The following RAB5B variants were observed in gnomAD, a reference collection of about 807,000 sequenced individuals.
The protein encoded by RAB5B is RAB5B, member RAS oncogene family.
In RAB5B, 11 loss-of-function variants were observed where a neutral mutation model predicts 28.6. That is an observed-to-expected ratio of 0.38 (90% CI 0.24 to 0.64). The LOEUF (loss-of-function observed/expected upper bound fraction) is 0.64. RAB5B is among the 30% of genes least tolerant of loss of function. The pLI is 0.53. For synonymous variants in RAB5B, 93 were observed against 97.9 expected, an observed-to-expected ratio of 0.95 and a Z score of 0.29; for missense variants, 169 against 265.6, an observed-to-expected ratio of 0.64 and a Z score of 2.53.
chr12:55,978,506 G>GAA (rs747815542), intron 1 of RAB5B, among the ~76,000 whole-genome samples: 1 of 141,442 alleles, frequency 7.1e-6, no homozygotes. Flanking sequence ...TCCGTCTCAG[G>GAA]AAAAAAAAAA....
chr12:55,989,715 AC>A (rs1483456100), intron 2 of RAB5B, among the ~76,000 whole-genome samples: 1 of 152,004 alleles, frequency 6.6e-6, no homozygotes. Flanking sequence ...TTTATGATGT[AC>A]CCCCATTCCT....
At chr12:55,975,660 C>T (rs943739230) in intron 1 of RAB5B, among the ~76,000 whole-genome samples, 2 of 151,882 alleles carry the variant, frequency 1.3e-5, no homozygotes, top group Non-Finnish European at 2.9e-5. Flanking sequence ...AGTGGAGTAC[C>T]CTCCTCCCCA....
At chr12:55,987,444 G>A (rs961868078) in intron 2 of RAB5B, among the ~76,000 whole-genome samples, 17 of 152,072 alleles carry the variant, frequency 1.1e-4, no homozygotes, top group African/African-American at 3.6e-4. Flanking sequence ...GATTACAGGC[G>A]TGAGTCACCA....
intron 1 of RAB5B, among the ~76,000 whole-genome samples, chr12:55,982,973 C>G (rs929138130): frequency 1.3e-5 from 2 of 152,042 alleles, no homozygotes; most frequent in African/African-American, 4.8e-5. Context: ...GTAACTTTTT[C>G]TATTGTTTCT....
chr12:55,980,819 G>C, intron 1 of RAB5B: 5 of 1,588,396 alleles, frequency 3.1e-6, no homozygotes, highest in Admixed American at 1.7e-5. Context: ...AGTAGTTATT[G>C]TCTTGAACCG....
intron 1 of RAB5B, chr12:55,980,353 C>T: frequency 4.8e-6 from 6 of 1,253,820 alleles, no homozygotes; most frequent in South Asian, 3.6e-5. Context: ...CTATTTCTCC[C>T]CTGCTCACTC....
Position 55,996,023 on chromosome 12 carries a change from T to TA in RAB5B, c.*3812dup, listed in dbSNP as rs1476988087. On this transcript the variant is annotated 3_prime_UTR_variant, in exon 6 of 6. Transcript: ENST00000360299. ...TATATATTTTTTTTTTAACAACTGGTAGGATAGGTTGGGCATTAGCCTTCT... is the reference window on the plus strand; with the variant it reads ...TATATATTTTTTTTTTAACAACTGGTAAGGATAGGTTGGGCATTAGCCTTCT... 2 of 139,938 alleles carry TA rather than the reference T, an allele frequency of 1.4e-5. No individual in the cohort carries two copies. The highest frequency in any genetic ancestry group is 5.3e-5 in the African/African-American group (2 of 37,958). The allele number at this position is 139,938 out of a possible 1,614,324, so 8.7% of individuals were successfully genotyped here.
At chr12:55,974,380 C>G (rs1244656599) in intron 1 of RAB5B, among the ~76,000 whole-genome samples, 3 of 152,062 alleles carry the variant, frequency 2.0e-5, no homozygotes, top group Admixed American at 6.5e-5. Context: ...GCGGCCAGGC[C>G]GAGGGCCGGG....
intron 1 of RAB5B, among the ~76,000 whole-genome samples, chr12:55,976,249 A>C (rs2136469018): frequency 6.6e-6 from 1 of 152,188 alleles, no homozygotes; most frequent in Non-Finnish European, 1.5e-5. Flanking sequence ...TTGTGTTTTC[A>C]TGTTCTCATC....
intron 1 of RAB5B, among the ~76,000 whole-genome samples, chr12:55,984,359 T>G (rs1191710409): frequency 2.0e-5 from 3 of 152,124 alleles, no homozygotes; most frequent in Non-Finnish European, 4.4e-5. Context: ...CCAGCTAATT[T>G]TTGTATTTTT....
chr12:55,988,317 G>A (rs1331814366), intron 2 of RAB5B, among the ~76,000 whole-genome samples: 1 of 152,112 alleles, frequency 6.6e-6, no homozygotes, highest in Non-Finnish European at 1.5e-5. Context: ...AGGCGAAGGA[G>A]CGAGACTGTT....
intron 1 of RAB5B, among the ~76,000 whole-genome samples, chr12:55,977,299 T>G (rs575196482): frequency 6.7e-6 from 1 of 149,938 alleles, no homozygotes; most frequent in East Asian, 2.0e-4. Context: ...GTGTGTGTGT[T>G]TTAATCCTAT....
intron 1 of RAB5B, among the ~76,000 whole-genome samples, chr12:55,977,061 G>A (rs1889664927): frequency 6.6e-6 from 1 of 152,034 alleles, no homozygotes; most frequent in Non-Finnish European, 1.5e-5. Context: ...TGCAACGTCT[G>A]CCTCCTAGGT....
chr12:55,975,614 C>T (rs954206389), intron 1 of RAB5B, among the ~76,000 whole-genome samples: 2 of 128,580 alleles, frequency 1.6e-5, no homozygotes, highest in Admixed American at 1.6e-4. Flanking sequence ...ACCCTGTCTC[C>T]AAAAAAAAAA....
intron 1 of RAB5B, chr12:55,980,700 C>T: frequency 4.4e-6 from 7 of 1,580,448 alleles, no homozygotes; most frequent in Non-Finnish European, 6.1e-6. Context: ...TCCACCCCAG[C>T]TGAGGCATTC....
At position 55,993,973 on chromosome 12, in the gene RAB5B, G is replaced by A. The variant is rs543695210; in HGVS notation, c.*1761G>A. The A allele has an allele frequency of 2.0e-5, 3 of 152,560 alleles. No homozygotes were observed. The highest frequency in any genetic ancestry group is 2.1e-4 in the South Asian group (1 of 4,822). The allele number at this position is 152,560 out of a possible 1,614,324, so 9.5% of individuals were successfully genotyped here. ...AACTTTAAGTTCCTTGTTCCAGCCC[G>A]GAGTTTTGGGAAAGAAAGAAAGGAA... On this transcript the variant is annotated 3_prime_UTR_variant, in exon 6 of 6. Coordinates refer to ENST00000360299, the MANE Select transcript of RAB5B (RefSeq NM_002868.4).
intron 2 of RAB5B, among the ~76,000 whole-genome samples, chr12:55,989,567 A>G (rs1890049147): frequency 6.6e-6 from 1 of 152,234 alleles, no homozygotes; most frequent in African/African-American, 2.4e-5. Flanking sequence ...GGCGTGAGCT[A>G]CCGTGCCCAG....
rs1236759353 is a variant in RAB5B at position 55,989,958 on chromosome 12, A to G, written c.175A>G (p.Thr59Ala). 2 of 1,613,016 alleles carry G rather than the reference A, an allele frequency of 1.2e-6. No homozygotes were observed. The change falls in exon 3 of 6, where the codon ACC becomes GCC. Residue 59 changes from threonine (T) to alanine (A), a missense_variant. This residue lies in a region of RAB5B where 43 missense variants were observed against 85.8 expected (regional missense o/e 0.50). Coordinates refer to ENST00000360299, the MANE Select transcript of RAB5B (RefSeq NM_002868.4). Reference sequence around the variant, plus strand: ...TCTCTCATCCATAGCGGCCTTCCTCACCCAGTCCGTTTGTCTAGATGACAC... The same window carrying G: ...TCTCTCATCCATAGCGGCCTTCCTCGCCCAGTCCGTTTGTCTAGATGACAC... ...QESTIGAAFL[T>A]QSVCLDDTTV...
chr12:55,979,070 G>A (rs1226695557), intron 1 of RAB5B, among the ~76,000 whole-genome samples: 1 of 152,084 alleles, frequency 6.6e-6, no homozygotes, highest in East Asian at 1.9e-4. Context: ...ACCACACCTG[G>A]CCAGAAATAC....
Sources: gnomAD v4.1 joint callset for allele counts (sites outside exome capture counted in the v4.1 genomes callset) on GRCh38, gnomAD v4.1.1 for gene constraint, gnomAD v4.1.1 regional missense constraint, MANE v1.5 for transcripts, NCBI Gene and HGNC (gene_info 2026-07-23, HGNC 2026-07-21) for gene names.